Variants in ITGB6 observed in about 807,000 individuals in gnomAD.
ITGB6 encodes the protein integrin subunit beta 6, also known as integrin beta-6.
ITGB6 carries 80 observed loss-of-function variants against 84.5 expected under a neutral mutation model. The ratio of observed to expected loss-of-function variants is 0.95; its 90% CI spans 0.79 to 1.14. The LOEUF (loss-of-function observed/expected upper bound fraction) is 1.14, where lower values mean the gene tolerates loss of function less well. ITGB6 is among the 50% of genes most tolerant of loss of function. The probability of loss-of-function intolerance (pLI) is 0.00; values close to 1 mark genes in which losing one functional copy is unlikely to be tolerated. For missense variants in ITGB6, 1,006 were observed against 968.0 expected (o/e 1.04, Z -0.52); for synonymous variants, 383 against 354.9 (o/e 1.08, Z -0.89).
chr2:160,165,597 T>C (rs867970601), intron 7 of ITGB6, among the ~76,000 whole-genome samples: 2 of 152,360 alleles, frequency 1.3e-5, no homozygotes, highest in South Asian at 4.1e-4. Context: ...GGGTTATTGA[T>C]TCCTGAAAAA....
intron 10 of ITGB6, among the ~76,000 whole-genome samples, chr2:160,129,191 A>G (rs1232229064): frequency 6.6e-6 from 1 of 152,088 alleles, no homozygotes; most frequent in African/African-American, 2.4e-5. Context: ...ATCTAATCCT[A>G]AAGAGCCCCT....
At chr2:160,171,156 A>G (rs1166251427) in intron 6 of ITGB6, among the ~76,000 whole-genome samples, 1 of 152,038 alleles carries the variant, frequency 6.6e-6, no homozygotes, top group Non-Finnish European at 1.5e-5. Flanking sequence ...TAGTTTTCCA[A>G]TTGACATTAG....
intron 10 of ITGB6, among the ~76,000 whole-genome samples, chr2:160,127,634 T>C (rs1167857885): frequency 1.3e-5 from 2 of 152,220 alleles, no homozygotes; most frequent in African/African-American, 2.4e-5. Context: ...GTCACTCATA[T>C]TTGGCTCAGA....
chr2:160,134,091 C>T (rs1008519654), intron 10 of ITGB6, among the ~76,000 whole-genome samples: 1 of 152,070 alleles, frequency 6.6e-6, no homozygotes, highest in Non-Finnish European at 1.5e-5. Flanking sequence ...ACATAAAACC[C>T]TTCAAAAAAT....
chr2:160,136,155 T>C (rs1273614021), intron 10 of ITGB6, among the ~76,000 whole-genome samples: 8 of 152,188 alleles, frequency 5.3e-5, no homozygotes, highest in Admixed American at 5.2e-4. Flanking sequence ...AATCTACTCA[T>C]CTGACAAAGG....
Position 160,199,212 on chromosome 2 carries a change from A to G in ITGB6, c.108T>C (p.Leu36=), listed in dbSNP as rs1320458564. ...CACACCAGGCACACTGAGGTCCAAT[A>G]AGCAGGCAGTCTTCACAGGTTTCTG... is the stretch of plus-strand genomic sequence containing the variant. ...GGAETCEDCL[L]IGPQCAWCAQ... The change falls in exon 2 of 15, where the codon CTT becomes CTC. Residue 36 remains leucine, a synonymous_variant. Coordinates refer to ENST00000283249, the MANE Select transcript of ITGB6 (RefSeq NM_000888.5). 2 of 1,614,138 alleles carry G rather than the reference A, an allele frequency of 1.2e-6. No homozygotes were observed. Among genetic ancestry groups the G allele is most frequent in the Non-Finnish European group, 1.7e-6 (2 of 1,179,988 alleles).
At chr2:160,115,282 C>T (rs111353248) in intron 12 of ITGB6, among the ~76,000 whole-genome samples, 4,049 of 152,310 alleles carry the variant, frequency 0.027, 72 homozygotes, top group South Asian at 0.077. Context: ...CAGCCGGGTA[C>T]TCCTCTGAGG....
At chr2:160,191,270 A>C (rs1184164091) in intron 4 of ITGB6, among the ~76,000 whole-genome samples, 1 of 152,122 alleles carries the variant, frequency 6.6e-6, no homozygotes, top group African/African-American at 2.4e-5. Context: ...CACAGGAACT[A>C]CTCGCAGATG....
chr2:160,159,432 C>A (rs531825328), intron 7 of ITGB6, among the ~76,000 whole-genome samples: 1 of 152,248 alleles, frequency 6.6e-6, no homozygotes, highest in Non-Finnish European at 1.5e-5. Context: ...AATCTATATA[C>A]CCACAGTTTA....
intron 8 of ITGB6, 31 bp from the exon 9 acceptor site, chr2:160,138,230 G>T: frequency 6.5e-7 from 1 of 1,546,900 alleles, no homozygotes; most frequent in Non-Finnish European, 8.7e-7. Context: ...GTTCAGTGAA[G>T]TCACAACCCC....
chr2:160,107,491 C>T (rs1230808850), intron 14 of ITGB6, among the ~76,000 whole-genome samples, 188 bp downstream of exon 14: 1 of 152,120 alleles, frequency 6.6e-6, no homozygotes, highest in Non-Finnish European at 1.5e-5. Context: ...CAAATATAAG[C>T]TATGAGGGTC....
intron 6 of ITGB6, among the ~76,000 whole-genome samples, chr2:160,169,637 T>C (rs958728354): frequency 6.6e-6 from 1 of 152,218 alleles, no homozygotes; most frequent in African/African-American, 2.4e-5. Context: ...CAAACATTTC[T>C]TCTCCTTCTA....
At position 160,147,753 on chromosome 2, in the gene ITGB6, T is replaced by A. The variant is rs572706403; in HGVS notation, c.1018-5682A>T. The stretch of plus-strand genomic sequence containing the variant: ...GGGTAGTCTTTTCAACAAACGGTGC[T>A]TGAACAACTGGACATTCACATGAAA... On this transcript the variant is annotated intron_variant, in intron 7 of 14. Coordinates refer to ENST00000283249, the MANE Select transcript of ITGB6 (RefSeq NM_000888.5). 9.9e-5 allele frequency among the ~76,000 whole-genome samples: 15 copies of A among 152,258 alleles called. No homozygotes were observed. The East Asian group carries it at 2.9e-3, about 29-fold the overall frequency.
intron 4 of ITGB6, among the ~76,000 whole-genome samples, chr2:160,190,197 A>C (rs1686084187): frequency 1.0e-5 from 1 of 95,242 alleles, no homozygotes; most frequent in African/African-American, 4.2e-5. Flanking sequence ...CACTTCAGGG[A>C]CTGTTGTGGG....
chr2:160,148,945 G>A lies in ITGB6; in HGVS notation c.1018-6874C>T, dbSNP rs1033974248. On this transcript the variant is annotated intron_variant, in intron 7 of 14. Coordinates refer to ENST00000283249, the MANE Select transcript of ITGB6 (RefSeq NM_000888.5). ...TTTAGTAGGTAAACAAAGCAGCCAGGAAGCTCAAATTGGGTGGAGCCCACC... is the reference window on the plus strand; with the variant it reads ...TTTAGTAGGTAAACAAAGCAGCCAGAAAGCTCAAATTGGGTGGAGCCCACC... Among the ~76,000 whole-genome samples, 6 of 152,374 alleles carry A rather than the reference G, an allele frequency of 3.9e-5. No homozygotes were observed. The South Asian group carries it at 1.0e-3, about 26-fold the overall frequency.
intron 14 of ITGB6, among the ~76,000 whole-genome samples, chr2:160,105,450 G>A (rs189795291): frequency 1.2e-3 from 187 of 152,256 alleles, no homozygotes; most frequent in African/African-American, 4.4e-3. Flanking sequence ...GAAATGTGCT[G>A]GTTAGTAGAT....
At chr2:160,133,872 A>C (rs1683582307) in intron 10 of ITGB6, among the ~76,000 whole-genome samples, 1 of 152,250 alleles carries the variant, frequency 6.6e-6, no homozygotes, top group South Asian at 2.1e-4. Flanking sequence ...ACAAAGACAC[A>C]ACATACCAGA....
rs1323262536 is a variant in ITGB6, at chr2:160,114,375, C to T, written c.1982-2176G>A. 2.6e-5 allele frequency among the ~76,000 whole-genome samples: 4 copies of T among 152,182 alleles called. No homozygotes were observed. The East Asian group carries it at 5.8e-4, about 22-fold the overall frequency. On this transcript the variant is annotated intron_variant, in intron 12 of 14. Coordinates refer to ENST00000283249, the MANE Select transcript of ITGB6 (RefSeq NM_000888.5). ...TTTTCCCTTCCTTTGTGAATGTCTA[C>T]AGTGCTGCTCTAGAATAATACAATG... is the stretch of plus-strand genomic sequence containing the variant.
At chr2:160,121,509 G>C (rs1160558243) in intron 12 of ITGB6, among the ~76,000 whole-genome samples, 1 of 152,194 alleles carries the variant, frequency 6.6e-6, no homozygotes, top group Non-Finnish European at 1.5e-5. Context: ...CTCAAGCTGG[G>C]CACTGTGGTG....
Sources: allele counts gnomAD v4.1 joint callset (sites outside exome capture counted in the v4.1 genomes callset), GRCh38; gene constraint gnomAD v4.1.1; transcripts MANE v1.5; gene names NCBI Gene and HGNC (gene_info 2026-07-23, HGNC 2026-07-21).